Variants in EYS observed in about 807,000 individuals in gnomAD.
The protein encoded by EYS is EGF-like photoreceptor maintenance factor.
Under a neutral mutation model 282.1 loss-of-function variants are expected in EYS, and 250 were observed. The observed-to-expected ratio is 0.89, with a 90% CI of 0.80 to 0.98. EYS has a LOEUF of 0.98. Ranked by LOEUF, EYS falls within the 50% of genes least tolerant of loss-of-function variation. The pLI, the probability that EYS is intolerant of heterozygous loss-of-function variation, is 0.00. For missense variants in EYS, 4,016 were observed against 3,709.0 expected (o/e 1.08, Z -2.15); for synonymous variants, 1,355 against 1,282.9 (o/e 1.06, Z -1.20).
chr6:65,001,461 T>C (rs1771465484), intron 13 of EYS, among the ~76,000 whole-genome samples: 1 of 147,726 alleles, frequency 6.8e-6, no homozygotes, highest in African/African-American at 2.4e-5. Context: ...GAAGAGTCCG[T>C]TGGTCTGCCT....
At chr6:64,628,408 ATATTTATTT>A (rs1202143293) in intron 22 of EYS, among the ~76,000 whole-genome samples, 1 of 152,098 alleles carries the variant, frequency 6.6e-6, no homozygotes, top group Non-Finnish European at 1.5e-5. Flanking sequence ...CATTATCAAT[ATATTTATTT>A]TATTTATTTT....
At chr6:64,447,711 T>A (rs547644448) in intron 26 of EYS, among the ~76,000 whole-genome samples, 1 of 152,282 alleles carries the variant, frequency 6.6e-6, no homozygotes, top group African/African-American at 2.4e-5. Flanking sequence ...GACTCCTCAA[T>A]GTGGCTAAAG....
chr6:64,793,106 A>C (rs888462509), intron 22 of EYS, among the ~76,000 whole-genome samples: 3 of 152,060 alleles, frequency 2.0e-5, no homozygotes, highest in Non-Finnish European at 4.4e-5. Context: ...TGACTTTAGA[A>C]ATAAAGCCAC....
intron 26 of EYS, among the ~76,000 whole-genome samples, chr6:64,574,128 G>T (rs1765806953): frequency 6.6e-6 from 1 of 152,054 alleles, no homozygotes; most frequent in African/African-American, 2.4e-5. Context: ...CCTTTGCAGG[G>T]GCATGGATGA....
In EYS at chr6:65,523,692, T is replaced by TA. The variant is rs551884594; in HGVS notation, c.-332-27700dup. Among the ~76,000 whole-genome samples the TA allele has an allele frequency of 1.8e-3, 274 of 152,180 alleles. 2 individuals carry two copies. The highest frequency in any genetic ancestry group is 5.9e-3 in the African/African-American group (247 of 41,530). On this transcript the variant is annotated intron_variant, in intron 2 of 42. Coordinates refer to ENST00000503581, the MANE Select transcript of EYS (RefSeq NM_001142800.2). ...CAATTTTATTAAAAATAACTTTTTTTAAAAAAAAGTTTAAATGTTTATATA... is the reference window on the plus strand; with the variant it reads ...CAATTTTATTAAAAATAACTTTTTTTAAAAAAAAAGTTTAAATGTTTATATA...
chr6:64,781,855 A>G (rs146299433), intron 22 of EYS, among the ~76,000 whole-genome samples: 64 of 152,350 alleles, frequency 4.2e-4, no homozygotes, highest in African/African-American at 1.5e-3. Flanking sequence ...CTGTTTAACT[A>G]CTGTGTGAAA....
intron 28 of EYS, among the ~76,000 whole-genome samples, chr6:64,434,312 C>A (rs1774668368): frequency 1.3e-5 from 2 of 152,064 alleles, no homozygotes; most frequent in Non-Finnish European, 2.9e-5. Context: ...AAATTAATTT[C>A]TGTTGTTTGA....
intron 26 of EYS, among the ~76,000 whole-genome samples, chr6:64,517,831 A>G (rs1410109884): frequency 2.0e-5 from 3 of 151,926 alleles, no homozygotes; most frequent in Non-Finnish European, 4.4e-5. Flanking sequence ...AAACTTCCCC[A>G]GAAAAGTATC....
Position 65,442,683 on chromosome 6 carries a change from G to A in EYS, c.863-37316C>T, listed in dbSNP as rs367557974. Reference sequence around the variant, plus strand: ...GCAGGAGAATTGTTTGAACCCAGGAGGTGGAGGTTGCAGTGAGTCAAGATT... The same window carrying A: ...GCAGGAGAATTGTTTGAACCCAGGAAGTGGAGGTTGCAGTGAGTCAAGATT... On this transcript the variant is annotated intron_variant, in intron 5 of 42. Transcript: ENST00000503581. Among the ~76,000 whole-genome samples, 48 of 152,014 alleles carry A rather than the reference G, an allele frequency of 3.2e-4. No homozygotes were observed. In the East Asian group the frequency reaches 8.9e-3, roughly 28 times the overall value.
intron 36 of EYS, among the ~76,000 whole-genome samples, chr6:63,842,748 C>T (rs1028851812): frequency 1.4e-4 from 21 of 152,000 alleles, no homozygotes; most frequent in African/African-American, 4.8e-4. Flanking sequence ...AGTTCTTATG[C>T]TTAAATATTT....
At chr6:65,293,105 C>A (rs1159506107) in intron 12 of EYS, among the ~76,000 whole-genome samples, 2 of 151,418 alleles carry the variant, frequency 1.3e-5, no homozygotes, top group African/African-American at 4.8e-5. Context: ...TCCTAGACTT[C>A]TCTGGTAATC....
intron 22 of EYS, among the ~76,000 whole-genome samples, chr6:64,684,793 A>G (rs1469383869): frequency 1.3e-5 from 2 of 152,004 alleles, no homozygotes; most frequent in African/African-American, 4.8e-5. Context: ...GGAATGTATA[A>G]AGATATAGTC....
intron 19 of EYS, among the ~76,000 whole-genome samples, chr6:64,845,933 T>C (rs375089810): frequency 2.0e-4 from 30 of 152,274 alleles, no homozygotes; most frequent in African/African-American, 6.7e-4. Flanking sequence ...CTTTCTGTTT[T>C]CACTGGCATA....
chr6:64,520,260 C>T (rs1004843276), intron 26 of EYS, among the ~76,000 whole-genome samples: 1 of 151,662 alleles, frequency 6.6e-6, no homozygotes. Flanking sequence ...CTTAAGAAAC[C>T]ACAAAAATGC....
chr6:64,287,862 C>G (rs148850515), intron 30 of EYS, among the ~76,000 whole-genome samples: 1 of 152,070 alleles, frequency 6.6e-6, no homozygotes, highest in Non-Finnish European at 1.5e-5. Flanking sequence ...CCTATGGAGA[C>G]AACAACAAAG....
rs2070609837 is a variant in EYS, at chr6:63,762,545, T to C, written c.7987A>G (p.Ser2663Gly). 1.3e-6 allele frequency: 2 copies of C among 1,550,366 alleles called. No individual in the cohort carries two copies. Among genetic ancestry groups the C allele is most frequent in the Non-Finnish European group, 1.7e-6 (2 of 1,146,146 alleles). Residue 2663 changes from serine (S) to glycine (G), a missense_variant, in exon 41 of 43, where the codon AGC becomes GGC. Coordinates refer to ENST00000503581, the MANE Select transcript of EYS (RefSeq NM_001142800.2). ...DPEHDPPHHC[S>G]RGATCISLPH... ...AATGAAATGCAGGTTGCTCCTCTGC[T>C]ACAGTGGTGTGGAGGGTCATGTTCA... is the stretch of plus-strand genomic sequence containing the variant.
intron 35 of EYS, among the ~76,000 whole-genome samples, chr6:63,928,579 T>C (rs1225849683): frequency 6.6e-6 from 1 of 151,996 alleles, no homozygotes; most frequent in Non-Finnish European, 1.5e-5. Flanking sequence ...GGTGCTGAGG[T>C]GGGCATGATA....
chr6:63,832,084 T>G (rs574610670), intron 36 of EYS, among the ~76,000 whole-genome samples: 81 of 152,216 alleles, frequency 5.3e-4, no homozygotes, highest in African/African-American at 1.9e-3. Flanking sequence ...GAGGGAAACT[T>G]ATAGCACTAA....
chr6:65,454,762 G>A (rs1271822766), intron 5 of EYS, among the ~76,000 whole-genome samples: 11 of 152,012 alleles, frequency 7.2e-5, no homozygotes, highest in Non-Finnish European at 1.2e-4. Flanking sequence ...TGAAGGGATT[G>A]TCTTTTCCTC....
Sources: gnomAD v4.1 joint callset for allele counts (sites outside exome capture counted in the v4.1 genomes callset) on GRCh38, gnomAD v4.1.1 for gene constraint, MANE v1.5 for transcripts, NCBI Gene and HGNC (gene_info 2026-07-23, HGNC 2026-07-21) for gene names.